The following PARD3B variants were observed in gnomAD, a reference collection of about 807,000 sequenced individuals.
PARD3B encodes partitioning defective 3 homolog B.
A neutral mutation model predicts 130.2 loss-of-function variants in PARD3B; 103 were observed. The ratio of observed to expected loss-of-function variants is 0.79; its 90% CI spans 0.67 to 0.93. The LOEUF (loss-of-function observed/expected upper bound fraction) is 0.93. Among genes scored for constraint, PARD3B ranks in the 40% least tolerant of loss-of-function variants. The pLI is 0.00. For missense variants in PARD3B, 1,609 were observed against 1,499.2 expected (o/e 1.07, Z -1.21); for synonymous variants, 583 against 553.2 (o/e 1.05, Z -0.76).
At chr2:204,971,389 C>G (rs966256103) in intron 3 of PARD3B, among the ~76,000 whole-genome samples, 4 of 152,138 alleles carry the variant, frequency 2.6e-5, no homozygotes. Context: ...ATTCTGACTA[C>G]AAAGCATATA....
chr2:204,785,602 A>G (rs889237199), intron 2 of PARD3B, among the ~76,000 whole-genome samples: 3 of 152,206 alleles, frequency 2.0e-5, no homozygotes, highest in African/African-American at 7.2e-5. Context: ...TATGAGAGTT[A>G]TGTGTATTGG....
chr2:205,361,741 A>G (rs1431540419), intron 18 of PARD3B, among the ~76,000 whole-genome samples: 1 of 152,156 alleles, frequency 6.6e-6, no homozygotes, highest in Non-Finnish European at 1.5e-5. Context: ...TTCTCCGTGC[A>G]TACCACTTGG....
chr2:205,389,596 G>A (rs1574893492), intron 18 of PARD3B, among the ~76,000 whole-genome samples: 3 of 152,072 alleles, frequency 2.0e-5, no homozygotes, highest in Non-Finnish European at 4.4e-5. Flanking sequence ...CTCCCGCCTC[G>A]GCCTCCCAAA....
At chr2:205,490,007 T>C (rs572251717) in intron 20 of PARD3B, among the ~76,000 whole-genome samples, 1 of 152,168 alleles carries the variant, frequency 6.6e-6, no homozygotes, top group South Asian at 2.1e-4. Context: ...GGAAGTTGCC[T>C]TCGTGAATCA....
In PARD3B at chr2:205,160,891, C is replaced by T. The variant is rs776849446; in HGVS notation, c.1620+1984C>T. Among the ~76,000 whole-genome samples, 2 of 152,104 alleles carry T rather than the reference C, an allele frequency of 1.3e-5. No individual in the cohort carries two copies. Among genetic ancestry groups the T allele is most frequent in the Non-Finnish European group, 2.9e-5 (2 of 68,026 alleles). ...CCAGGCAGTCTGACTCCAGAACCTGCGTTATGCTGCACTGAAATGAAGCTC... is the reference window on the plus strand; with the variant it reads ...CCAGGCAGTCTGACTCCAGAACCTGTGTTATGCTGCACTGAAATGAAGCTC... On this transcript the variant is annotated intron_variant, in intron 11 of 22. Transcript: ENST00000406610. This position sits in a 1 kb window ranked among gnomAD's most constrained non-coding sequence, Gnocchi z 4.0.
At chr2:204,706,429 A>G (rs985736516) in intron 2 of PARD3B, among the ~76,000 whole-genome samples, 1 of 152,096 alleles carries the variant, frequency 6.6e-6, no homozygotes. Context: ...ATTTGAGAAG[A>G]AAATAAGGGA....
Position 205,176,641 on chromosome 2 carries a change from C to CT in PARD3B, c.1924+65dup. 1 of 1,185,014 alleles carries CT rather than the reference C, an allele frequency of 8.4e-7. No homozygotes were observed. Among genetic ancestry groups the CT allele is most frequent in the Non-Finnish European group, 1.1e-6 (1 of 917,068 alleles). 73.4% of individuals were successfully genotyped at this position (1,185,014 alleles called of 1,614,324 possible). On this transcript the variant is annotated intron_variant, in intron 13 of 22. Transcript: ENST00000406610. This position sits in a 1 kb window ranked among gnomAD's most constrained non-coding sequence, Gnocchi z 5.3. ...AGAAAACACAAAAGTGTCTTTTTAT[C>CT]TAAAAAAAAAAAAAAAGAGTAAAGG...
intron 21 of PARD3B, among the ~76,000 whole-genome samples, chr2:205,532,120 C>A (rs2106432962): frequency 6.6e-6 from 1 of 152,284 alleles, no homozygotes; most frequent in Non-Finnish European, 1.5e-5. Flanking sequence ...CATGCCTTGG[C>A]ATTCGAACAT....
chr2:204,974,389 T>C (rs959736341), intron 3 of PARD3B, among the ~76,000 whole-genome samples: 11 of 152,214 alleles, frequency 7.2e-5, no homozygotes, highest in Non-Finnish European at 8.8e-5. Flanking sequence ...ATAACACTTA[T>C]ATTTGGTGTT....
chr2:205,157,961 A>G (rs1295696811), intron 10 of PARD3B, among the ~76,000 whole-genome samples: 2 of 151,922 alleles, frequency 1.3e-5, no homozygotes, highest in Non-Finnish European at 2.9e-5. Context: ...TTTCCACCAT[A>G]CTCTGTGTTT....
chr2:204,981,950 G>A (rs1226945872), intron 3 of PARD3B, among the ~76,000 whole-genome samples: 3 of 151,782 alleles, frequency 2.0e-5, no homozygotes, highest in African/African-American at 7.3e-5. Flanking sequence ...GCTATTTAAA[G>A]TTCAAAAAAA....
chr2:205,012,873 C>T (rs903482544), intron 3 of PARD3B, among the ~76,000 whole-genome samples: 1 of 152,150 alleles, frequency 6.6e-6, no homozygotes, highest in East Asian at 1.9e-4. Context: ...TATTATACTG[C>T]GAGATCTCAG....
chr2:204,635,464 A>G (rs1233438063), intron 1 of PARD3B, among the ~76,000 whole-genome samples: 1 of 152,126 alleles, frequency 6.6e-6, no homozygotes, highest in African/African-American at 2.4e-5. Flanking sequence ...TTGATTTTCT[A>G]TTTGCAGACT....
rs1481240883 is a variant in PARD3B, at chr2:205,300,266, T to C, written c.2186-264T>C. ...GTGTGTATATGCCTATAGACACACA[T>C]GCATATACACTTCTGCATAGAGAGA... On this transcript the variant is annotated intron_variant, in intron 16 of 22. Transcript: ENST00000406610. The surrounding 1 kb of genome is among the most constrained non-coding windows in gnomAD (Gnocchi z 4.1). Among the ~76,000 whole-genome samples the C allele has an allele frequency of 6.6e-6, 1 of 152,170 alleles. No homozygotes were observed. Among genetic ancestry groups the C allele is most frequent in the Non-Finnish European group, 1.5e-5 (1 of 68,020 alleles).
intron 4 of PARD3B, among the ~76,000 whole-genome samples, chr2:205,049,245 C>CAA (rs1699019204): frequency 1.3e-5 from 2 of 152,264 alleles, no homozygotes; most frequent in South Asian, 4.1e-4. Context: ...AACTGACTCA[C>CAA]AGTTCTGCAT....
At chr2:204,572,586 G>T (rs1302524829) in intron 1 of PARD3B, among the ~76,000 whole-genome samples, 3 of 152,300 alleles carry the variant, frequency 2.0e-5, no homozygotes, top group South Asian at 2.1e-4. Flanking sequence ...AATTAAAAGA[G>T]ATGTCTAGTT....
At chr2:205,340,510 C>A (rs952491796) in intron 18 of PARD3B, among the ~76,000 whole-genome samples, 1 of 152,086 alleles carries the variant, frequency 6.6e-6, no homozygotes, top group East Asian at 1.9e-4. Context: ...GGGACACCCT[C>A]TTTAATAAAT....
chr2:205,476,717 G>A (rs1266216410), intron 20 of PARD3B, among the ~76,000 whole-genome samples: 1 of 152,106 alleles, frequency 6.6e-6, no homozygotes, highest in Non-Finnish European at 1.5e-5. Flanking sequence ...TGAAAGTAAA[G>A]TTTTGGTTCC....
At chr2:204,897,148 A>T (rs1575241982) in intron 2 of PARD3B, among the ~76,000 whole-genome samples, 1 of 152,116 alleles carries the variant, frequency 6.6e-6, no homozygotes, top group East Asian at 1.9e-4. Flanking sequence ...ATTATTTATA[A>T]TTTAGCTATT....
Sources: allele counts gnomAD v4.1 joint callset (sites outside exome capture counted in the v4.1 genomes callset), GRCh38; gene constraint gnomAD v4.1.1; non-coding constraint Gnocchi (gnomAD v3.1); transcripts MANE v1.5; gene names NCBI Gene and HGNC (gene_info 2026-07-23, HGNC 2026-07-21).